DACH2: variants seen among roughly 807,000 people sequenced by gnomAD.
The protein encoded by DACH2 is dachshund family transcription factor 2.
Under a neutral mutation model 35.8 loss-of-function variants are expected in DACH2, and 17 were observed. That is an observed-to-expected ratio of 0.48 (90% CI 0.33 to 0.71). The LOEUF (loss-of-function observed/expected upper bound fraction) is 0.71. Among genes scored for constraint, DACH2 ranks in the 30% least tolerant of loss-of-function variants. DACH2 has a pLI of 0.02. For synonymous variants in DACH2, 195 were observed against 177.3 expected (o/e 1.10, Z -0.79); for missense variants, 469 against 472.7 (o/e 0.99, Z 0.07).
rs191226923 is a variant in DACH2 at position 86,708,594 on chromosome X, A to T, written c.932-5954A>T. On this transcript the variant is annotated intron_variant, in intron 5 of 11. Coordinates refer to ENST00000373125, the MANE Select transcript of DACH2 (RefSeq NM_053281.3). ...GGAACTAAATCATATGTACACATGG[A>T]CATAGTGTAGAATAATAGACATTGG... Among the ~76,000 whole-genome samples the T allele has an allele frequency of 9.5e-3, 898 of 94,546 alleles. 2 individuals carry two copies. Among genetic ancestry groups the T allele is most frequent in the Non-Finnish European group, 0.015 (718 of 47,838 alleles). 82.1% of individuals were successfully genotyped at this position (94,546 alleles called of 115,157 possible). A position where few individuals can be genotyped will look rare whatever the true frequency, so the allele number is the denominator to read the frequency against.
At chrX:86,206,484 G>A (rs1363520362) in intron 1 of DACH2, among the ~76,000 whole-genome samples, 1 of 111,566 alleles carries the variant, frequency 9.0e-6, no homozygotes, top group African/African-American at 3.3e-5. Flanking sequence ...TTTGTAAAAT[G>A]TACAATGATT....
chrX:86,618,756 AT>A (rs2040036685), intron 3 of DACH2, among the ~76,000 whole-genome samples: 1 of 112,097 alleles, frequency 8.9e-6, no homozygotes, highest in Non-Finnish European at 1.9e-5. Context: ...TTTACATTAG[AT>A]TTCCTACAAT....
chrX:86,723,341 T>TTGC (rs1402582869), intron 6 of DACH2, among the ~76,000 whole-genome samples: 3 of 109,817 alleles, frequency 2.7e-5, no homozygotes, highest in African/African-American at 9.9e-5. Flanking sequence ...CTAATTTTTT[T>TTGC]TTTTTTGCTT....
chrX:86,801,942 A>T (rs1250159937), intron 7 of DACH2, among the ~76,000 whole-genome samples: 1 of 111,782 alleles, frequency 8.9e-6, no homozygotes, highest in Non-Finnish European at 1.9e-5. Context: ...GTGTAAATTG[A>T]TTTTCACAAC....
intron 1 of DACH2, among the ~76,000 whole-genome samples, chrX:86,187,265 G>A (rs1042323447): frequency 9.0e-6 from 1 of 110,829 alleles, no homozygotes; most frequent in Non-Finnish European, 1.9e-5. Flanking sequence ...TTGTTAGCAC[G>A]GCACAAACCA....
chrX:86,622,895 TA>T (rs1172290088), intron 3 of DACH2, among the ~76,000 whole-genome samples: 1 of 111,610 alleles, frequency 9.0e-6, no homozygotes, highest in Non-Finnish European at 1.9e-5. Flanking sequence ...ACAGTTGAAT[TA>T]AAAAGAAAAA....
chrX:86,578,097 A>G (rs773111558), intron 3 of DACH2, among the ~76,000 whole-genome samples: 33 of 111,477 alleles, frequency 3.0e-4, no homozygotes, highest in African/African-American at 9.1e-4. Context: ...ACTTTCAGAG[A>G]CCCAGGCTTG....
chrX:86,736,286 C>T (rs976681378), intron 6 of DACH2, among the ~76,000 whole-genome samples: 2 of 110,868 alleles, frequency 1.8e-5, no homozygotes, highest in Non-Finnish European at 3.8e-5. Context: ...GAAACTTGAT[C>T]GAATTTGGTA....
intron 1 of DACH2, among the ~76,000 whole-genome samples, chrX:86,251,655 C>A (rs2033403885): frequency 8.9e-6 from 1 of 111,812 alleles, no homozygotes; most frequent in Non-Finnish European, 1.9e-5. Context: ...CAGGTTGCTG[C>A]AAATGCCATT....
intron 1 of DACH2, among the ~76,000 whole-genome samples, chrX:86,318,634 A>G (rs756604008): frequency 3.6e-5 from 4 of 110,896 alleles, no homozygotes; most frequent in Non-Finnish European, 5.7e-5. Context: ...ATTATTCTCT[A>G]AGATATAACC....
intron 7 of DACH2, among the ~76,000 whole-genome samples, chrX:86,794,558 A>C (rs1167466656): frequency 2.7e-5 from 3 of 110,470 alleles, no homozygotes; most frequent in African/African-American, 9.9e-5. Flanking sequence ...AAAGCAAATA[A>C]AAAATAATTA....
Position 86,742,178 on chromosome X carries a change from G to A in DACH2, c.1240+2296G>A, listed in dbSNP as rs182686791. Among the ~76,000 whole-genome samples the A allele has an allele frequency of 4.7e-3, 517 of 110,286 alleles. 3 individuals carry two copies. Among genetic ancestry groups the A allele is most frequent in the African/African-American group, 0.016 (491 of 30,560 alleles). On this transcript the variant is annotated intron_variant, in intron 7 of 11. Transcript: ENST00000373125. ...GTTGTCTAAGAATGATACCAAGATT[G>A]TCTATAAATAAATAAGAAGGCTTGA... is the stretch of plus-strand genomic sequence containing the variant.
chrX:86,824,553 TA>T, intron 11 of DACH2, among the ~76,000 whole-genome samples: 1 of 111,906 alleles, frequency 8.9e-6, no homozygotes, highest in East Asian at 2.8e-4. Context: ...ATTAAGAGAT[TA>T]AAGTAAGACA....
chrX:86,466,747 C>T (rs2037676466), intron 2 of DACH2, among the ~76,000 whole-genome samples: 1 of 111,534 alleles, frequency 9.0e-6, no homozygotes, highest in Admixed American at 9.5e-5. Context: ...GTTCCCAAAC[C>T]TCAATTCTTG....
At chrX:86,757,713 C>T (rs1377223754) in intron 7 of DACH2, among the ~76,000 whole-genome samples, 1 of 111,337 alleles carries the variant, frequency 9.0e-6, no homozygotes, top group Admixed American at 9.5e-5. Context: ...GTAGCATTTC[C>T]CCCTTCACTT....
intron 1 of DACH2, among the ~76,000 whole-genome samples, chrX:86,278,775 C>T (rs1047463778): frequency 8.9e-6 from 1 of 111,783 alleles, no homozygotes; most frequent in Non-Finnish European, 1.9e-5. Flanking sequence ...TGGAGCCCAG[C>T]AAGCTAAGAT....
intron 1 of DACH2, among the ~76,000 whole-genome samples, chrX:86,230,471 C>T (rs183302986): frequency 4.3e-4 from 48 of 111,114 alleles, no homozygotes; most frequent in African/African-American, 1.4e-3. Flanking sequence ...TCCTTTCCTG[C>T]TTTTGGTATT....
intron 2 of DACH2, among the ~76,000 whole-genome samples, chrX:86,391,968 T>C (rs2036210672): frequency 1.8e-5 from 2 of 111,464 alleles, no homozygotes; most frequent in Admixed American, 9.6e-5. Context: ...ATTTTTTAAA[T>C]AGTTTGCAAT....
chrX:86,473,931 G>T (rs2037799821), intron 2 of DACH2, among the ~76,000 whole-genome samples: 1 of 111,342 alleles, frequency 9.0e-6, no homozygotes, highest in Non-Finnish European at 1.9e-5. Context: ...ATTTTTTGAG[G>T]AACCTCCAAA....
Sources: gnomAD v4.1 joint callset for allele counts (sites outside exome capture counted in the v4.1 genomes callset) on GRCh38, gnomAD v4.1.1 for gene constraint, MANE v1.5 for transcripts, NCBI Gene and HGNC (gene_info 2026-07-23, HGNC 2026-07-21) for gene names.